MEIS2: variants seen among roughly 807,000 people sequenced by gnomAD.
The protein encoded by MEIS2 is homeobox protein Meis2.
A neutral mutation model predicts 58.6 loss-of-function variants in MEIS2; 9 were observed. The observed-to-expected ratio is 0.15, with a 90% confidence interval of 0.09 to 0.27. The LOEUF (loss-of-function observed/expected upper bound fraction) is 0.27, where lower values mean the gene tolerates loss of function less well. Among genes scored for constraint, MEIS2 ranks in the 10% least tolerant of loss-of-function variants. The pLI is 1.00. For missense variants in MEIS2, 427 were observed against 635.0 expected, an observed-to-expected ratio of 0.67 and a Z score of 3.52; for synonymous variants, 221 against 228.4, an observed-to-expected ratio of 0.97 and a Z score of 0.29.
intron 7 of MEIS2, among the ~76,000 whole-genome samples, chr15:37,062,105 C>G (rs768268328): frequency 2.6e-4 from 39 of 152,228 alleles, no homozygotes; most frequent in Admixed American, 3.3e-4. Context: ...TAATAAAAGA[C>G]TCAAGAACTT....
intron 8 of MEIS2, among the ~76,000 whole-genome samples, chr15:36,968,645 C>T (rs1466770824): frequency 6.6e-6 from 1 of 152,202 alleles, no homozygotes; most frequent in Non-Finnish European, 1.5e-5. Context: ...GACTGGATTT[C>T]TTAAGGAAGC....
intron 8 of MEIS2, among the ~76,000 whole-genome samples, chr15:37,023,150 ATTCCT>A (rs2061583366): frequency 1.3e-5 from 2 of 152,166 alleles, no homozygotes; most frequent in African/African-American, 4.8e-5. Flanking sequence ...TTTCTTTATA[ATTCCT>A]TTGCTTTTAC....
intron 8 of MEIS2, among the ~76,000 whole-genome samples, chr15:36,973,910 T>C (rs1308547851): frequency 6.6e-6 from 1 of 152,212 alleles, no homozygotes; most frequent in East Asian, 1.9e-4. Flanking sequence ...TGCCTTGTTG[T>C]CTATGGATAC....
intron 8 of MEIS2, among the ~76,000 whole-genome samples, chr15:36,996,135 G>A (rs2060515503): frequency 6.6e-6 from 1 of 150,602 alleles, no homozygotes; most frequent in Admixed American, 6.7e-5. Flanking sequence ...AAAATAATTG[G>A]TAAAGGAAAA....
intron 8 of MEIS2, among the ~76,000 whole-genome samples, chr15:37,015,640 A>C (rs1023468202): frequency 4.6e-5 from 7 of 152,078 alleles, no homozygotes; most frequent in Admixed American, 3.9e-4. Flanking sequence ...TGCAAGAGGA[A>C]GATCAGAAAG....
At chr15:37,074,224 A>T (rs934855453) in intron 7 of MEIS2, among the ~76,000 whole-genome samples, 33 of 152,138 alleles carry the variant, frequency 2.2e-4, no homozygotes, top group African/African-American at 7.5e-4. Flanking sequence ...TGGTATTAAT[A>T]CTACCACCTT....
intron 8 of MEIS2, among the ~76,000 whole-genome samples, chr15:37,033,100 CT>C: frequency 6.6e-6 from 1 of 152,222 alleles, no homozygotes; most frequent in Non-Finnish European, 1.5e-5. Context: ...GAGACTAAGA[CT>C]TAACAATTGC....
intron 8 of MEIS2, among the ~76,000 whole-genome samples, chr15:37,030,640 ATAT>A (rs60061235): frequency 1.3e-5 from 2 of 148,714 alleles, no homozygotes; most frequent in African/African-American, 4.9e-5. Flanking sequence ...CCCAGCCTGG[ATAT>A]TATTATTATT....
chr15:36,965,973 C>T (rs955443230), intron 8 of MEIS2, among the ~76,000 whole-genome samples: 2 of 152,320 alleles, frequency 1.3e-5, no homozygotes, highest in African/African-American at 4.8e-5. Flanking sequence ...TGAGCTTATA[C>T]ACATTAGAAT....
chr15:36,949,539 G>C (rs915699818), intron 9 of MEIS2, among the ~76,000 whole-genome samples: 2 of 151,976 alleles, frequency 1.3e-5, no homozygotes, highest in Non-Finnish European at 2.9e-5. Context: ...AATTAAGTTT[G>C]TATAAGGCCT....
At chr15:37,086,975 C>T (rs1409433857) in intron 6 of MEIS2, among the ~76,000 whole-genome samples, 1 of 152,108 alleles carries the variant, frequency 6.6e-6, no homozygotes, top group Admixed American at 6.6e-5. Context: ...TATTCTTCCC[C>T]TTAGAGTTTA....
At chr15:37,048,344 C>G (rs1231541467) in intron 7 of MEIS2, among the ~76,000 whole-genome samples, 1 of 151,840 alleles carries the variant, frequency 6.6e-6, no homozygotes, top group Non-Finnish European at 1.5e-5. Context: ...AAGTATTTAT[C>G]AATAATAAAA....
At chr15:36,895,007 C>T in intron 11 of MEIS2, 144 bp downstream of exon 11, 1 of 897,810 alleles carries the variant, frequency 1.1e-6, no homozygotes, top group South Asian at 1.6e-5. Flanking sequence ...TTTTTTCCCC[C>T]ACCCAATGTA....
intron 9 of MEIS2, among the ~76,000 whole-genome samples, chr15:36,916,756 G>A (rs2057297009): frequency 6.6e-6 from 1 of 152,032 alleles, no homozygotes; most frequent in Admixed American, 6.6e-5. Flanking sequence ...TTTTTAAGGG[G>A]GCTTCATAAT....
intron 8 of MEIS2, among the ~76,000 whole-genome samples, chr15:36,989,369 T>C (rs1190816943): frequency 6.6e-6 from 1 of 152,238 alleles, no homozygotes; most frequent in Non-Finnish European, 1.5e-5. Context: ...GTCATTTATA[T>C]GCTCATGACA....
intron 7 of MEIS2, among the ~76,000 whole-genome samples, chr15:37,041,484 A>G (rs1376856566): frequency 6.6e-6 from 1 of 152,208 alleles, no homozygotes; most frequent in Non-Finnish European, 1.5e-5. Context: ...GAAGTCACGC[A>G]TGCTTTCCTT....
chr15:36,971,381 G>C, intron 8 of MEIS2, among the ~76,000 whole-genome samples: 1 of 151,408 alleles, frequency 6.6e-6, no homozygotes. Flanking sequence ...AAACACCCAA[G>C]GAGGTTTTTA....
chr15:36,948,448 A>G (rs2058648714), intron 9 of MEIS2, among the ~76,000 whole-genome samples: 1 of 152,010 alleles, frequency 6.6e-6, no homozygotes, highest in Non-Finnish European at 1.5e-5. Context: ...ATCAAAAACT[A>G]TAGGTAATGG....
intron 8 of MEIS2, among the ~76,000 whole-genome samples, chr15:36,968,199 A>G (rs1009441365): frequency 7.9e-5 from 12 of 152,170 alleles, no homozygotes; most frequent in Admixed American, 6.5e-4. Flanking sequence ...CATTTCTTCA[A>G]GATCCAGCTT....
Sources: gnomAD v4.1 joint callset for allele counts (sites outside exome capture counted in the v4.1 genomes callset) on GRCh38, gnomAD v4.1.1 for gene constraint, MANE v1.5 for transcripts, NCBI Gene and HGNC (gene_info 2026-07-23, HGNC 2026-07-21) for gene names.